Variants in ZNF724 observed in about 807,000 individuals in gnomAD.
ZNF724 encodes the protein zinc finger protein 724 pseudogene.
A neutral mutation model predicts 29.3 loss-of-function variants in ZNF724; 14 were observed. The ratio of observed to expected loss-of-function variants is 0.48; its 90% CI spans 0.32 to 0.75. ZNF724 has a LOEUF of 0.75. ZNF724 is among the 30% of genes least tolerant of loss of function. ZNF724 has a pLI of 0.04. For synonymous variants in ZNF724, 180 were observed against 193.6 expected (o/e 0.93, Z 0.58); for missense variants, 557 against 571.2 (o/e 0.98, Z 0.25).
intron 1 of ZNF724, among the ~76,000 whole-genome samples, chr19:23,234,403 C>T (rs1286182810): frequency 6.6e-6 from 1 of 152,230 alleles, no homozygotes; most frequent in Non-Finnish European, 1.5e-5. Context: ...AACTTTTCCA[C>T]CAACCTAATA....
At chr19:23,250,173 A>T (rs1288980488) in intron 1 of ZNF724, 67 bp downstream of exon 1, 1 of 567,844 alleles carries the variant, frequency 1.8e-6, no homozygotes, top group Non-Finnish European at 3.5e-6. Flanking sequence ...AGTCCGCCAC[A>T]GCCACTTCCC....
Position 23,222,737 on chromosome 19 carries a change from T to C in ZNF724, c.1508A>G (p.Glu503Gly), listed in dbSNP as rs757579290. ...LTTHKKIHTG[E>G]KPYKCKECGK... ...ACATTCTTTACATTTGTAGGGTTTC[T>C]CTCCAGTATGAATTTTCTTATGTGT... The change falls in exon 4 of 4, where the codon GAG becomes GGG. Residue 503 changes from glutamate (E) to glycine (G), a missense_variant. This residue lies in a region of ZNF724 where 170 missense variants were observed against 220.7 expected (regional missense o/e 0.77). Coordinates refer to ENST00000418100, the MANE Select transcript of ZNF724 (RefSeq NM_001355404.2). 79 of 1,421,978 alleles carry C rather than the reference T, an allele frequency of 5.6e-5. 3 individuals are homozygous for C. In the South Asian group the frequency reaches 8.9e-4, roughly 16 times the overall value. 88.1% of individuals were successfully genotyped at this position (1,421,978 alleles called of 1,614,324 possible). A position where few individuals can be genotyped will look rare whatever the true frequency, so the allele number is the denominator to read the frequency against.
intron 3 of ZNF724, among the ~76,000 whole-genome samples, chr19:23,228,295 C>T (rs1320178148): frequency 6.6e-6 from 1 of 151,040 alleles, no homozygotes; most frequent in Non-Finnish European, 1.5e-5. Context: ...ACTAAAAATA[C>T]AAAAATTAGC....
At chr19:23,232,060 G>A (rs1971943476) in intron 2 of ZNF724, 107 bp downstream of exon 2, 1 of 973,342 alleles carries the variant, frequency 1.0e-6, no homozygotes, top group Non-Finnish European at 1.6e-6. Context: ...TAGAAATAGA[G>A]ATCTGATACT....
intron 1 of ZNF724, among the ~76,000 whole-genome samples, chr19:23,245,568 G>A (rs866304310): frequency 1.3e-5 from 2 of 151,568 alleles, no homozygotes; most frequent in African/African-American, 4.9e-5. Flanking sequence ...AGCAGAGATC[G>A]CGCCACTGCA....
At position 23,221,790 on chromosome 19, in the gene ZNF724, C is replaced by G. The variant is rs1971718763; in HGVS notation, c.*595G>C. On this transcript the variant is annotated 3_prime_UTR_variant, in exon 4 of 4. Transcript: ENST00000418100. ...ATGGAGTTTCACCATGTTGGCCAGGCTGGTCTTGAACTTCTGACCTCAAGT... is the reference window on the plus strand; with the variant it reads ...ATGGAGTTTCACCATGTTGGCCAGGGTGGTCTTGAACTTCTGACCTCAAGT... 1 of 152,980 alleles carries G rather than the reference C, an allele frequency of 6.5e-6. No homozygotes were observed. Among genetic ancestry groups the G allele is most frequent in the Non-Finnish European group, 1.5e-5 (1 of 68,756 alleles). 9.5% of individuals were successfully genotyped at this position (152,980 alleles called of 1,614,324 possible). A position where few individuals can be genotyped will look rare whatever the true frequency, so the allele number is the denominator to read the frequency against.
chr19:23,249,762 G>C (rs1972314526), intron 1 of ZNF724, among the ~76,000 whole-genome samples: 1 of 152,046 alleles, frequency 6.6e-6, no homozygotes, highest in South Asian at 2.1e-4. Context: ...TCGAACTCCT[G>C]GCCTCGGGTG....
intron 3 of ZNF724, among the ~76,000 whole-genome samples, chr19:23,229,375 G>A (rs1410766790): frequency 4.6e-5 from 7 of 152,172 alleles, no homozygotes. Flanking sequence ...AGGTTTGCAA[G>A]ACCTTAGCCT....
chr19:23,234,408 C>A (rs1464311814), intron 1 of ZNF724, among the ~76,000 whole-genome samples: 3 of 152,098 alleles, frequency 2.0e-5, no homozygotes, highest in Non-Finnish European at 1.5e-5. Flanking sequence ...TTCCACCAAC[C>A]TAATAGAAGT....
rs1020714473 is a variant in ZNF724, at chr19:23,250,371, C to G, written c.-129G>C. On this transcript the variant is annotated 5_prime_UTR_variant, in exon 1 of 4. Transcript: ENST00000418100. ...AGCAGGGAAGACGAGACCAAGCGCT[C>G]CAGCTGCAGCGAGAGACAAAGGCCC... 2.1e-6 allele frequency: 1 copy of G among 471,286 alleles called. No individual in the cohort carries two copies. Among genetic ancestry groups the G allele is most frequent in the Non-Finnish European group, 4.3e-6 (1 of 234,858 alleles). 29.2% of individuals were successfully genotyped at this position (471,286 alleles called of 1,614,324 possible). A position where few individuals can be genotyped will look rare whatever the true frequency, so the allele number is the denominator to read the frequency against.
chr19:23,229,254 G>A (rs563613026), intron 3 of ZNF724, among the ~76,000 whole-genome samples: 1 of 152,190 alleles, frequency 6.6e-6, no homozygotes, highest in Admixed American at 6.6e-5. Context: ...GTCCCACTGA[G>A]AATACTGAAC....
In ZNF724 at chr19:23,223,504, A is replaced by G; in HGVS notation, c.741T>C (p.Ile247=). 1 of 751,236 alleles carries G rather than the reference A, an allele frequency of 1.3e-6. No individual in the cohort carries two copies. The highest frequency in any genetic ancestry group is 2.5e-6 in the Non-Finnish European group (1 of 404,046). The allele number at this position is 751,236 out of a possible 1,614,324, so 46.5% of individuals were successfully genotyped here. Residue 247 remains isoleucine (I), a synonymous_variant, in exon 4 of 4, where the codon ATT becomes ATC. Coordinates refer to ENST00000418100, the MANE Select transcript of ZNF724 (RefSeq NM_001355404.2). Reference sequence around the variant, plus strand: ...GTTTGTAGGATTTCTCTCCAGTATGAATTATCTTATGTGTGTTAAGGTGTG... The same window carrying G: ...GTTTGTAGGATTTCTCTCCAGTATGGATTATCTTATGTGTGTTAAGGTGTG... ...KSSHLNTHKI[I]HTGEKSYKRE... is the part of the protein sequence containing the mutation.
intron 1 of ZNF724, among the ~76,000 whole-genome samples, chr19:23,233,032 C>G (rs981076175): frequency 5.3e-5 from 8 of 152,172 alleles, no homozygotes; most frequent in African/African-American, 1.9e-4. Context: ...CCAAGTGAAT[C>G]ATTAGCCTCA....
At chr19:23,234,357 T>G (rs1207135855) in intron 1 of ZNF724, among the ~76,000 whole-genome samples, 1 of 152,208 alleles carries the variant, frequency 6.6e-6, no homozygotes, top group East Asian at 1.9e-4. Context: ...TACACCTAAG[T>G]AATCCAAGTT....
chr19:23,241,120 C>T (rs769012278), intron 1 of ZNF724, among the ~76,000 whole-genome samples: 9 of 151,938 alleles, frequency 5.9e-5, no homozygotes, highest in African/African-American at 2.2e-4. Context: ...TTGAAGTTTA[C>T]TATAGACACC....
At chr19:23,235,099 T>C (rs1234157873) in intron 1 of ZNF724, among the ~76,000 whole-genome samples, 4 of 152,200 alleles carry the variant, frequency 2.6e-5, no homozygotes, top group African/African-American at 7.2e-5. Context: ...GAAAACAACA[T>C]GTACTATTGA....
intron 1 of ZNF724, among the ~76,000 whole-genome samples, chr19:23,233,211 A>C (rs1187483355): frequency 6.6e-6 from 1 of 152,192 alleles, no homozygotes; most frequent in African/African-American, 2.4e-5. Flanking sequence ...TTGATACAGG[A>C]TATCTTAAGA....
chr19:23,246,546 G>A lies in ZNF724; in HGVS notation c.3+3694C>T, dbSNP rs565533652. Among the ~76,000 whole-genome samples the A allele has an allele frequency of 6.8e-4, 103 of 151,768 alleles. 1 individual carries two copies. The highest frequency in any genetic ancestry group is 2.8e-3 in the Admixed American group (42 of 15,236). On this transcript the variant is annotated intron_variant, in intron 1 of 3. Transcript: ENST00000418100. ...GGCATGCACCTGTAATCCCAGGTACGCTGGAGGCTGAGAGAGGAGAATTGC... is the reference window on the plus strand; with the variant it reads ...GGCATGCACCTGTAATCCCAGGTACACTGGAGGCTGAGAGAGGAGAATTGC...
intron 3 of ZNF724, among the ~76,000 whole-genome samples, chr19:23,228,021 G>A (rs1195909442): frequency 1.3e-5 from 2 of 152,124 alleles, no homozygotes. Context: ...CTTTATGAGA[G>A]AGCCAAGCAT....
Sources: gnomAD v4.1 joint callset for allele counts (sites outside exome capture counted in the v4.1 genomes callset) on GRCh38, gnomAD v4.1.1 for gene constraint, gnomAD v4.1.1 regional missense constraint, MANE v1.5 for transcripts, NCBI Gene and HGNC (gene_info 2026-07-23, HGNC 2026-07-21) for gene names.